IMPG2: variants seen among roughly 807,000 people sequenced by gnomAD.
The protein encoded by IMPG2 is IPM 200.
Under a neutral mutation model 129.2 loss-of-function variants are expected in IMPG2, and 91 were observed. The observed-to-expected ratio is 0.70, with a 90% confidence interval of 0.59 to 0.84. IMPG2 has a LOEUF of 0.84. Ranked by LOEUF, IMPG2 falls within the 40% of genes least tolerant of loss-of-function variation. The probability of loss-of-function intolerance (pLI) is 0.00; values close to 1 mark genes in which losing one functional copy is unlikely to be tolerated. For missense variants in IMPG2, 1,430 were observed against 1,461.7 expected (o/e 0.98, Z 0.35); for synonymous variants, 510 against 517.7 (o/e 0.99, Z 0.20).
At chr3:101,318,874 A>G (rs1209819409) in intron 2 of IMPG2, among the ~76,000 whole-genome samples, 1 of 152,134 alleles carries the variant, frequency 6.6e-6, no homozygotes, top group Admixed American at 6.6e-5. Flanking sequence ...GACTTACATA[A>G]AAAGTATGAG....
intron 4 of IMPG2, among the ~76,000 whole-genome samples, chr3:101,284,359 A>C (rs1226142106): frequency 6.6e-6 from 1 of 152,232 alleles, no homozygotes; most frequent in African/African-American, 2.4e-5. Context: ...CCAAAATCAA[A>C]GTAGCCAGGT....
intron 4 of IMPG2, among the ~76,000 whole-genome samples, chr3:101,279,669 C>T (rs192781885): frequency 4.7e-4 from 71 of 152,268 alleles, no homozygotes; most frequent in African/African-American, 1.7e-3. Flanking sequence ...AGCAGAGAAA[C>T]CGGACTTCAC....
At chr3:101,320,096 C>T (rs886767786) in intron 1 of IMPG2, among the ~76,000 whole-genome samples, 192 bp downstream of exon 1, 5 of 151,844 alleles carry the variant, frequency 3.3e-5, no homozygotes, top group African/African-American at 1.2e-4. Flanking sequence ...AAGGTTTAAA[C>T]CAGAAATTAC....
chr3:101,319,837 A>G lies in IMPG2; in HGVS notation c.86-5T>C, dbSNP rs2058802870. On this transcript the variant is annotated splice_polypyrimidine_tract_variant and splice_region_variant and intron_variant, in intron 1 of 18. Coordinates refer to ENST00000193391, the MANE Select transcript of IMPG2 (RefSeq NM_016247.4). ...CTATAGATAAGTAGGTTTGTGCTACAGAGTGAAAGTATAGTCAAGTCTTCG... is the reference window on the plus strand; with the variant it reads ...CTATAGATAAGTAGGTTTGTGCTACGGAGTGAAAGTATAGTCAAGTCTTCG... The G allele has an allele frequency of 6.2e-7, 1 of 1,610,442 alleles. No homozygotes were observed. Among genetic ancestry groups the G allele is most frequent in the African/African-American group, 1.3e-5 (1 of 75,000 alleles).
At chr3:101,269,667 G>C in intron 7 of IMPG2, 94 bp from the exon 8 acceptor site, 1 of 777,746 alleles carries the variant, frequency 1.3e-6, no homozygotes, top group East Asian at 2.7e-5. Flanking sequence ...AAAGTGAACT[G>C]TTCACAACTA....
chr3:101,246,115 A>C lies in IMPG2; in HGVS notation c.1240-10T>G, dbSNP rs762465634. 19 of 1,612,974 alleles carry C rather than the reference A, an allele frequency of 1.2e-5. No individual in the cohort carries two copies. The highest frequency in any genetic ancestry group is 1.7e-4 in the Middle Eastern group (1 of 5,854). On this transcript the variant is annotated splice_polypyrimidine_tract_variant and intron_variant, in intron 11 of 18. Coordinates refer to ENST00000193391, the MANE Select transcript of IMPG2 (RefSeq NM_016247.4). Reference sequence around the variant, plus strand: ...CTTGAAAGGTATTATCCTGGGGGGAAAAAAAGGCTAAATCATATCATAGAT... The same window carrying C: ...CTTGAAAGGTATTATCCTGGGGGGACAAAAAGGCTAAATCATATCATAGAT...
intron 15 of IMPG2, 45 bp from the exon 16 acceptor site, chr3:101,231,190 C>G (rs532707468): frequency 6.4e-7 from 1 of 1,573,778 alleles, no homozygotes; most frequent in African/African-American, 1.3e-5. Flanking sequence ...TCACTCTGCT[C>G]ACACTGACAA....
At position 101,257,531 on chromosome 3, in the gene IMPG2, T is replaced by C. The variant is rs140153716; in HGVS notation, c.1151A>G (p.Asn384Ser). Residue 384 changes from asparagine (N) to serine (S), a missense_variant and splice_region_variant, in exon 10 of 19, where the codon AAT (asparagine) becomes AGT (serine). Transcript: ENST00000193391. ...TTCATGATGGATATCAAACTCACCA[T>C]TGATAAGCTGCAGGGAATCAGGATC... is the stretch of plus-strand genomic sequence containing the variant. Reference protein sequence around the residue: ...NPDPDSLQLINVRGVLRHQTE... With the variant: ...NPDPDSLQLISVRGVLRHQTE... 1.1e-4 allele frequency: 171 copies of C among 1,613,246 alleles called. No homozygotes were observed. In the African/African-American group the frequency reaches 2.1e-3, roughly 20 times the overall value.
chr3:101,240,050 C>T (rs1475546704), intron 14 of IMPG2, among the ~76,000 whole-genome samples: 2 of 151,722 alleles, frequency 1.3e-5, no homozygotes, highest in East Asian at 1.9e-4. Flanking sequence ...ACATGTATCC[C>T]AGGACTTGAA....
intron 14 of IMPG2, among the ~76,000 whole-genome samples, chr3:101,234,840 A>G (rs2107210033): frequency 6.6e-6 from 1 of 152,348 alleles, no homozygotes; most frequent in South Asian, 2.1e-4. Context: ...TCTCTAGCCA[A>G]TCTTGAAATA....
rs1706277348 is a variant in IMPG2 at position 101,230,840 on chromosome 3, T to C, written c.3422+117A>G. On this transcript the variant is annotated intron_variant, in intron 16 of 18. Coordinates refer to ENST00000193391, the MANE Select transcript of IMPG2 (RefSeq NM_016247.4). ...GACAAGGACCATGTGTTTATTCAAA[T>C]TCATAGCTCTCTTCCACCCAGCCAG... 8 of 869,400 alleles carry C rather than the reference T, an allele frequency of 9.2e-6. No homozygotes were observed. In the East Asian group the frequency reaches 1.8e-4, roughly 19 times the overall value. The allele number at this position is 869,400 out of a possible 1,614,324, so 53.9% of individuals were successfully genotyped here.
chr3:101,251,253 CT>C (rs1322466379), intron 11 of IMPG2, among the ~76,000 whole-genome samples: 1 of 152,136 alleles, frequency 6.6e-6, no homozygotes, highest in African/African-American at 2.4e-5. Context: ...AACAAAATGC[CT>C]TTTCACTTCA....
intron 4 of IMPG2, among the ~76,000 whole-genome samples, chr3:101,279,885 C>G (rs111416380): frequency 5.3e-5 from 8 of 152,254 alleles, no homozygotes; most frequent in African/African-American, 1.9e-4. Context: ...ATCCCTCAAC[C>G]ACCCACTCTC....
chr3:101,244,128 T>C lies in IMPG2; in HGVS notation c.2203A>G (p.Lys735Glu). Reference protein sequence around the residue: ...TSVAISASTDKSDQADAILRE... With the variant: ...TSVAISASTDESDQADAILRE... ...AGGATGGCATCTGCCTGATCTGATT[T>C]ATCAGTAGAGGCAGAGATTGCTACA... Residue 735 changes from lysine (K) to glutamate (E), a missense_variant, in exon 13 of 19, where the codon AAA becomes GAA. Lys to Glu is a moderately conservative substitution (Grantham distance 56). Coordinates refer to ENST00000193391, the MANE Select transcript of IMPG2 (RefSeq NM_016247.4). 6.2e-7 allele frequency: 1 copy of C among 1,614,114 alleles called. No homozygotes were observed. Among genetic ancestry groups the C allele is most frequent in the Non-Finnish European group, 8.5e-7 (1 of 1,179,994 alleles).
chr3:101,243,131 C>T (rs1706428845), intron 13 of IMPG2, among the ~76,000 whole-genome samples: 1 of 152,194 alleles, frequency 6.6e-6, no homozygotes, highest in Non-Finnish European at 1.5e-5. Flanking sequence ...TTAGGAACCC[C>T]ATGGAATTCA....
intron 4 of IMPG2, among the ~76,000 whole-genome samples, chr3:101,289,138 A>G (rs142221791): frequency 6.6e-6 from 1 of 152,310 alleles, no homozygotes; most frequent in African/African-American, 2.4e-5. Flanking sequence ...TAAAGGCTAC[A>G]TGGTAGGTTT....
rs1267067966 is a variant in IMPG2 at position 101,224,504 on chromosome 3, G to C, written c.*2465C>G. 3 of 152,202 alleles carry C rather than the reference G, an allele frequency of 2.0e-5. No homozygotes were observed. Among genetic ancestry groups the C allele is most frequent in the Non-Finnish European group, 4.4e-5 (3 of 68,040 alleles). 9.4% of individuals were successfully genotyped at this position (152,202 alleles called of 1,614,324 possible). On this transcript the variant is annotated 3_prime_UTR_variant, in exon 19 of 19. Coordinates refer to ENST00000193391, the MANE Select transcript of IMPG2 (RefSeq NM_016247.4). ...CATTCCTCAATTGTGCAGTGTAAATGACAGTTCAGCCTAAGACTTTTAAAT... is the reference window on the plus strand; with the variant it reads ...CATTCCTCAATTGTGCAGTGTAAATCACAGTTCAGCCTAAGACTTTTAAAT...
chr3:101,232,399 A>T (rs1300154367), intron 15 of IMPG2, among the ~76,000 whole-genome samples: 1 of 151,930 alleles, frequency 6.6e-6, no homozygotes, highest in Non-Finnish European at 1.5e-5. Flanking sequence ...CACCACACCC[A>T]GCTAATTTTT....
chr3:101,303,446 A>G (rs966643728), intron 3 of IMPG2, among the ~76,000 whole-genome samples: 13 of 152,194 alleles, frequency 8.5e-5, no homozygotes, highest in African/African-American at 3.1e-4. Flanking sequence ...GTTCCTTGCA[A>G]GGGAAGTTAC....
Sources: allele counts gnomAD v4.1 joint callset (sites outside exome capture counted in the v4.1 genomes callset), GRCh38; gene constraint gnomAD v4.1.1; transcripts MANE v1.5; gene names NCBI Gene and HGNC (gene_info 2026-07-23, HGNC 2026-07-21).